The following STX5 variants were observed in gnomAD, a reference collection of about 807,000 sequenced individuals.
STX5 encodes the protein syntaxin 5, also known as syntaxin-5.
A neutral mutation model predicts 42.9 loss-of-function variants in STX5; 15 were observed. The ratio of observed to expected loss-of-function variants is 0.35; its 90% CI spans 0.23 to 0.54. STX5 has a LOEUF of 0.54. STX5 is among the 20% of genes least tolerant of loss of function. The pLI is 0.91. For missense variants in STX5, 430 were observed against 455.0 expected (o/e 0.95, Z 0.50); for synonymous variants, 184 against 173.2 (o/e 1.06, Z -0.49).
chr11:62,822,381 C>T (rs2084749507), intron 10 of STX5, among the ~76,000 whole-genome samples: 1 of 152,050 alleles, frequency 6.6e-6, no homozygotes, highest in African/African-American at 2.4e-5. Flanking sequence ...AAAAACTAAC[C>T]CCTGCAATGG....
At chr11:62,817,824 A>G (rs1261205677) in intron 10 of STX5, among the ~76,000 whole-genome samples, 2 of 152,200 alleles carry the variant, frequency 1.3e-5, no homozygotes, top group African/African-American at 2.4e-5. Context: ...CTGAAAATAT[A>G]CATAAAATAA....
At chr11:62,831,304 T>C in intron 1 of STX5, 42 bp from the exon 2 acceptor site, 1 of 1,388,818 alleles carries the variant, frequency 7.2e-7, no homozygotes, top group Non-Finnish European at 1.0e-6. Context: ...GCAACTTCTT[T>C]ACCCAAACTC....
At chr11:62,814,995 A>C (rs989415620) in intron 10 of STX5, among the ~76,000 whole-genome samples, 1 of 151,934 alleles carries the variant, frequency 6.6e-6, no homozygotes, top group African/African-American at 2.4e-5. Context: ...TAATTCTAAC[A>C]GATAGGATAA....
chr11:62,823,910 C>T, intron 10 of STX5: 1 of 496,770 alleles, frequency 2.0e-6, no homozygotes, highest in East Asian at 3.8e-5. Context: ...TACACTTACA[C>T]ATGCTACAAA....
chr11:62,808,844 A>G (rs979078868), intron 10 of STX5, among the ~76,000 whole-genome samples: 2 of 152,236 alleles, frequency 1.3e-5, no homozygotes, highest in Non-Finnish European at 2.9e-5. Context: ...CACTAATTTA[A>G]TCAGTGTTAG....
chr11:62,831,112 T>C lies in STX5; in HGVS notation c.132A>G (p.Pro44=), dbSNP rs1201908166. 2.3e-6 allele frequency: 3 copies of C among 1,298,432 alleles called. No individual in the cohort carries two copies. Among genetic ancestry groups the C allele is most frequent in the Non-Finnish European group, 3.1e-6 (3 of 968,938 alleles). 80.4% of individuals were successfully genotyped at this position (1,298,432 alleles called of 1,614,324 possible). ...CGGGAGGGGGAGGGACGAGGGTCAC[T>C]GGGGGGGGCAGAGGGGCGATGTCGC... is the stretch of plus-strand genomic sequence containing the variant. ...SSSDIAPLPP[P]VTLVPPPPDT... is the part of the protein sequence containing the mutation. Residue 44 remains proline (P), a synonymous_variant, in exon 2 of 11, where the codon CCA becomes CCG. Coordinates refer to ENST00000294179, the MANE Select transcript of STX5 (RefSeq NM_003164.5).
intron 10 of STX5, among the ~76,000 whole-genome samples, chr11:62,816,796 G>A (rs374603756): frequency 1.0e-4 from 15 of 149,886 alleles, no homozygotes; most frequent in African/African-American, 3.7e-4. Context: ...TCGGGAGGCT[G>A]AGGAAAGAGA....
At chr11:62,824,397 T>A in intron 9 of STX5, 62 bp downstream of exon 9, 2 of 1,612,734 alleles carry the variant, frequency 1.2e-6, no homozygotes, top group South Asian at 1.1e-5. Flanking sequence ...CTCCAAACAC[T>A]CTCTCGGGAA....
intron 10 of STX5, among the ~76,000 whole-genome samples, chr11:62,810,271 T>C (rs1310548872): frequency 6.6e-6 from 1 of 151,568 alleles, no homozygotes; most frequent in East Asian, 2.0e-4. Flanking sequence ...GGAGACTCTG[T>C]CTCTACAAAA....
chr11:62,819,779 C>T (rs548316253), intron 10 of STX5, among the ~76,000 whole-genome samples: 1 of 152,018 alleles, frequency 6.6e-6, no homozygotes, highest in Admixed American at 6.6e-5. Context: ...CTGCAACCTC[C>T]GCCTCTAAGG....
intron 10 of STX5, among the ~76,000 whole-genome samples, chr11:62,814,467 CTTT>C (rs35408833): frequency 3.4e-5 from 5 of 146,948 alleles, no homozygotes; most frequent in Non-Finnish European, 3.0e-5. Flanking sequence ...GGGACTCTTC[CTTT>C]TTTTTTTTTT....
At chr11:62,813,278 A>G (rs1279842665) in intron 10 of STX5, among the ~76,000 whole-genome samples, 3 of 152,052 alleles carry the variant, frequency 2.0e-5, no homozygotes, top group Non-Finnish European at 2.9e-5. Flanking sequence ...TCTCAAACAA[A>G]CAACAACAAA....
intron 2 of STX5, 90 bp downstream of exon 2, chr11:62,830,929 C>G: frequency 9.6e-6 from 12 of 1,244,076 alleles, no homozygotes; most frequent in East Asian, 2.5e-5. Context: ...AGGTACCCCC[C>G]AAAATTACTT....
chr11:62,818,245 C>CAAAAA (rs71056566), intron 10 of STX5, among the ~76,000 whole-genome samples: 1 of 74,920 alleles, frequency 1.3e-5, no homozygotes, highest in Admixed American at 1.7e-4. Context: ...AACTCCATCT[C>CAAAAA]AAAAAAAAAA....
intron 10 of STX5, among the ~76,000 whole-genome samples, chr11:62,821,904 C>G (rs1050619165): frequency 2.0e-5 from 3 of 150,968 alleles, no homozygotes; most frequent in African/African-American, 7.3e-5. Context: ...CACGCACTTG[C>G]AGTCCCAGCT....
intron 5 of STX5, 65 bp from the exon 6 acceptor site, chr11:62,825,604 G>A (rs1011730295): frequency 1.6e-5 from 22 of 1,398,226 alleles, no homozygotes; most frequent in South Asian, 2.4e-5. Context: ...CATCTCTCAC[G>A]ATGGCCATCT....
chr11:62,824,060 T>A, intron 10 of STX5, 106 bp downstream of exon 10: 1 of 1,557,268 alleles, frequency 6.4e-7, no homozygotes, highest in Non-Finnish European at 8.7e-7. Context: ...GTGGGCAGAA[T>A]TCACTCTATC....
Position 62,825,029 on chromosome 11 carries a change from G to A in STX5, c.679+7C>T. ...TCCCAGGGCTCCCCGTTTTACCTGT[G>A]ACTTACCCAGGTGGTTAGGGGCAAG... On this transcript the variant is annotated splice_region_variant and intron_variant, in intron 8 of 10. Transcript: ENST00000294179. 1 of 1,613,790 alleles carries A rather than the reference G, an allele frequency of 6.2e-7. No individual in the cohort carries two copies. Among genetic ancestry groups the A allele is most frequent in the South Asian group, 1.1e-5 (1 of 91,076 alleles).
At chr11:62,830,317 C>T (rs575018466) in intron 2 of STX5, 1 of 272,596 alleles carries the variant, frequency 3.7e-6, no homozygotes, top group Non-Finnish European at 7.6e-6. Flanking sequence ...GATTTTGATA[C>T]AAATTACTGA....
Sources: gnomAD v4.1 joint callset for allele counts (sites outside exome capture counted in the v4.1 genomes callset) on GRCh38, gnomAD v4.1.1 for gene constraint, MANE v1.5 for transcripts, NCBI Gene and HGNC (gene_info 2026-07-23, HGNC 2026-07-21) for gene names.